Variants in FGGY observed in about 807,000 individuals in gnomAD.
FGGY encodes FGGY carbohydrate kinase domain-containing protein.
FGGY carries 72 observed loss-of-function variants against 71.3 expected under a neutral mutation model. The ratio of observed to expected loss-of-function variants is 1.01; its 90% confidence interval spans 0.84 to 1.23. The LOEUF is 1.23. Among genes scored for constraint, FGGY ranks in the 50% most tolerant of loss-of-function variants. The pLI, the probability that FGGY is intolerant of heterozygous loss-of-function variation, is 0.00. For missense variants in FGGY, 668 were observed against 682.3 expected (o/e 0.98, Z 0.23); for synonymous variants, 251 against 250.3 (o/e 1.00, Z -0.02).
At chr1:59,449,441 C>G (rs2072115954) in intron 5 of FGGY, among the ~76,000 whole-genome samples, 1 of 152,030 alleles carries the variant, frequency 6.6e-6, no homozygotes, top group African/African-American at 2.4e-5. Flanking sequence ...ACCACCACGC[C>G]CAACTAATTT....
chr1:59,391,418 A>G (rs946197437), intron 5 of FGGY, among the ~76,000 whole-genome samples: 1 of 152,238 alleles, frequency 6.6e-6, no homozygotes, highest in Non-Finnish European at 1.5e-5. Context: ...GTTAAGGCAC[A>G]GGTTCTCAGG....
At chr1:59,456,925 T>C (rs770905524) in intron 5 of FGGY, 36 bp from the exon 6 acceptor site, 3 of 1,474,378 alleles carry the variant, frequency 2.0e-6, no homozygotes, top group Admixed American at 1.7e-5. Flanking sequence ...CTCACTCATA[T>C]GGTCAGTTCT....
At chr1:59,484,389 A>G (rs1484642553) in intron 6 of FGGY, among the ~76,000 whole-genome samples, 6 of 151,598 alleles carry the variant, frequency 4.0e-5, no homozygotes, top group African/African-American at 1.5e-4. Flanking sequence ...TGGTCCACCT[A>G]CTCTATCATC....
chr1:59,630,216 G>T (rs1365245545), intron 10 of FGGY, among the ~76,000 whole-genome samples: 17 of 152,112 alleles, frequency 1.1e-4, no homozygotes, highest in East Asian at 1.9e-4. Context: ...CTCCAACCAG[G>T]TCCCTCCCAC....
At chr1:59,450,495 A>C (rs531121826) in intron 5 of FGGY, among the ~76,000 whole-genome samples, 6 of 152,148 alleles carry the variant, frequency 3.9e-5, no homozygotes, top group Non-Finnish European at 8.8e-5. Context: ...CATGAATTAT[A>C]AAGTATTCTC....
intron 11 of FGGY, among the ~76,000 whole-genome samples, chr1:59,655,985 A>T (rs145526236): frequency 1.2e-3 from 180 of 152,360 alleles, no homozygotes; most frequent in African/African-American, 4.2e-3. Flanking sequence ...CAATATTTAC[A>T]TAAGTGCTTT....
At chr1:59,601,473 A>G (rs939361175) in intron 8 of FGGY, among the ~76,000 whole-genome samples, 1 of 152,192 alleles carries the variant, frequency 6.6e-6, no homozygotes, top group African/African-American at 2.4e-5. Flanking sequence ...GAGCACATGG[A>G]AAGAGGCTTC....
intron 14 of FGGY, among the ~76,000 whole-genome samples, chr1:59,693,198 G>C (rs1331940449): frequency 2.0e-5 from 3 of 152,230 alleles, no homozygotes; most frequent in Non-Finnish European, 4.4e-5. Context: ...CCAAGAGACA[G>C]CTTGACGTGC....
intron 2 of FGGY, among the ~76,000 whole-genome samples, chr1:59,333,478 T>C (rs534035600): frequency 6.6e-6 from 1 of 152,330 alleles, no homozygotes; most frequent in South Asian, 2.1e-4. Context: ...GTAATAGTTT[T>C]GTACTGCCAA....
At chr1:59,602,216 T>A (rs1036004487) in intron 8 of FGGY, among the ~76,000 whole-genome samples, 1 of 152,210 alleles carries the variant, frequency 6.6e-6, no homozygotes, top group African/African-American at 2.4e-5. Flanking sequence ...ATTTGGATCC[T>A]GAAAGCCCTC....
intron 7 of FGGY, 93 bp from the exon 8 acceptor site, chr1:59,554,031 T>C: frequency 9.8e-7 from 1 of 1,024,692 alleles, no homozygotes; most frequent in Non-Finnish European, 1.4e-6. Flanking sequence ...GTTTGACTAT[T>C]AAAAAGAAGA....
At chr1:59,432,610 C>T (rs2067608905) in intron 5 of FGGY, among the ~76,000 whole-genome samples, 3 of 152,216 alleles carry the variant, frequency 2.0e-5, no homozygotes, top group African/African-American at 7.2e-5. Context: ...AGTTTTTCCC[C>T]TTTAGTGGCA....
chr1:59,488,649 ATGT>A (rs2153580469), intron 6 of FGGY, among the ~76,000 whole-genome samples: 1 of 150,690 alleles, frequency 6.6e-6, no homozygotes, highest in African/African-American at 2.4e-5. Flanking sequence ...CTTTATATGC[ATGT>A]TGTTAAAACT....
chr1:59,387,139 T>A (rs1278714167), intron 5 of FGGY, among the ~76,000 whole-genome samples: 3 of 152,104 alleles, frequency 2.0e-5, no homozygotes, highest in Non-Finnish European at 2.9e-5. Flanking sequence ...CAGGAGATGA[T>A]TATGTTGGGT....
At chr1:59,437,172 T>A (rs183701113) in intron 5 of FGGY, among the ~76,000 whole-genome samples, 6 of 152,212 alleles carry the variant, frequency 3.9e-5, no homozygotes, top group African/African-American at 1.4e-4. Context: ...ATTTTTATTG[T>A]TTCCTGAGGA....
At chr1:59,521,454 C>T (rs977912198) in intron 7 of FGGY, among the ~76,000 whole-genome samples, 4 of 152,164 alleles carry the variant, frequency 2.6e-5, no homozygotes, top group Admixed American at 6.5e-5. Context: ...GGGCCTGGTG[C>T]TATTGCCAGC....
intron 7 of FGGY, among the ~76,000 whole-genome samples, chr1:59,537,842 C>A (rs902995073): frequency 2.0e-5 from 3 of 152,066 alleles, no homozygotes; most frequent in African/African-American, 7.2e-5. Context: ...ATACAAAAAT[C>A]AATTCAAGAT....
In FGGY at chr1:59,707,949, G is replaced by C. The variant is rs1315997632; in HGVS notation, c.1512+33816G>C. Among the ~76,000 whole-genome samples the C allele has an allele frequency of 2.0e-5, 3 of 152,246 alleles. No homozygotes were observed. In the East Asian group the frequency reaches 5.8e-4, roughly 29 times the overall value. ...TATACCTGTTCTTTAATTTAAAAAA[G>C]TATCAAAGCTAGAAGGGACTTTAAC... On this transcript the variant is annotated intron_variant, in intron 14 of 15. Coordinates refer to ENST00000303721, the MANE Select transcript of FGGY (RefSeq NM_018291.5).
At chr1:59,755,446 A>G (rs2098281900) in intron 14 of FGGY, 1 of 152,178 alleles carries the variant, frequency 6.6e-6, no homozygotes, top group South Asian at 2.1e-4. Context: ...CATAAACGCT[A>G]TGATAGACGG....
Sources: allele counts gnomAD v4.1 joint callset (sites outside exome capture counted in the v4.1 genomes callset), GRCh38; gene constraint gnomAD v4.1.1; transcripts MANE v1.5; gene names NCBI Gene and HGNC (gene_info 2026-07-23, HGNC 2026-07-21).